Variants in CSMD3 observed in about 807,000 individuals in gnomAD.
CSMD3 encodes CUB and sushi domain-containing protein 3.
In CSMD3, 177 loss-of-function variants were observed where a neutral mutation model predicts 435.2. The ratio of observed to expected loss-of-function variants is 0.41; its 90% CI spans 0.36 to 0.46. The LOEUF (loss-of-function observed/expected upper bound fraction) is 0.46. CSMD3 is among the 20% of genes least tolerant of loss of function. The pLI is 0.34. For synonymous variants in CSMD3, 1,656 were observed against 1,520.5 expected (o/e 1.09, Z -2.07); for missense variants, 4,265 against 4,504.6 (o/e 0.95, Z 1.52).
chr8:113,295,978 T>A (rs2093718056), intron 2 of CSMD3, among the ~76,000 whole-genome samples: 2 of 152,024 alleles, frequency 1.3e-5, no homozygotes, highest in Admixed American at 6.6e-5. Context: ...TAAAAAAGGA[T>A]AAGTTCACGT....
chr8:113,359,204 A>G (rs945543089), intron 1 of CSMD3, among the ~76,000 whole-genome samples: 1 of 152,204 alleles, frequency 6.6e-6, no homozygotes, highest in Non-Finnish European at 1.5e-5. Context: ...CAAATGTTCC[A>G]TGACGTATTT....
chr8:113,332,458 C>CA (rs796349469), intron 1 of CSMD3, among the ~76,000 whole-genome samples: 32 of 151,176 alleles, frequency 2.1e-4, no homozygotes, highest in African/African-American at 6.5e-4. Context: ...TATCAGTGAA[C>CA]AAAAAATCAC....
intron 13 of CSMD3, among the ~76,000 whole-genome samples, chr8:112,722,422 G>A (rs2076878429): frequency 6.6e-6 from 1 of 152,154 alleles, no homozygotes. Flanking sequence ...GGCTACTTAG[G>A]GGAAGGTTGT....
At chr8:112,503,164 C>T (rs1477025697) in intron 30 of CSMD3, among the ~76,000 whole-genome samples, 1 of 152,184 alleles carries the variant, frequency 6.6e-6, no homozygotes, top group Non-Finnish European at 1.5e-5. Context: ...TCACTGCAGC[C>T]TTCATCTCCT....
chr8:112,670,358 C>T (rs2075627855), intron 16 of CSMD3, among the ~76,000 whole-genome samples: 1 of 152,086 alleles, frequency 6.6e-6, no homozygotes, highest in South Asian at 2.1e-4. Context: ...GGAAAGTGAA[C>T]CACGGCAATT....
intron 6 of CSMD3, among the ~76,000 whole-genome samples, chr8:112,995,755 GA>G (rs2085627742): frequency 6.6e-6 from 1 of 151,370 alleles, no homozygotes; most frequent in Admixed American, 6.6e-5. Context: ...ATTCTATTAA[GA>G]TGATTTAACC....
intron 13 of CSMD3, among the ~76,000 whole-genome samples, chr8:112,711,477 G>A (rs1041232250): frequency 1.3e-5 from 2 of 151,984 alleles, no homozygotes; most frequent in Non-Finnish European, 2.9e-5. Flanking sequence ...ACTTATTTTC[G>A]TGTGCCTAGC....
At chr8:112,476,524 A>G (rs1180328984) in intron 31 of CSMD3, among the ~76,000 whole-genome samples, 13 of 152,164 alleles carry the variant, frequency 8.5e-5, no homozygotes, top group Admixed American at 6.5e-4. Context: ...TACATGTAAT[A>G]TCTCACAGGA....
intron 45 of CSMD3, among the ~76,000 whole-genome samples, chr8:112,332,112 C>T (rs1824122828): frequency 6.6e-6 from 1 of 152,020 alleles, no homozygotes; most frequent in Non-Finnish European, 1.5e-5. Flanking sequence ...CACTAAAATA[C>T]AATCAGTCAA....
chr8:112,734,479 T>C (rs2132027488), intron 13 of CSMD3, among the ~76,000 whole-genome samples: 1 of 152,072 alleles, frequency 6.6e-6, no homozygotes, highest in East Asian at 1.9e-4. Context: ...AAGAAAAATT[T>C]CTGCTGCAGA....
intron 15 of CSMD3, among the ~76,000 whole-genome samples, chr8:112,684,108 T>C (rs971681101): frequency 1.3e-5 from 2 of 151,840 alleles, no homozygotes; most frequent in African/African-American, 2.4e-5. Flanking sequence ...ATTTCCATAA[T>C]ACCCTGAAAA....
At position 112,340,757 on chromosome 8, in the gene CSMD3, T is replaced by C. The variant is rs534964798; in HGVS notation, c.6652+720A>G. On this transcript the variant is annotated intron_variant, in intron 42 of 70. Coordinates refer to ENST00000297405, the MANE Select transcript of CSMD3 (RefSeq NM_198123.2). ...AAGGACTGAGTAATTACTAAAAATA[T>C]ACATCATGGAATACACCTTACATAC... 1.6e-4 allele frequency among the ~76,000 whole-genome samples: 24 copies of C among 152,256 alleles called. No homozygotes were observed. The South Asian group carries it at 4.8e-3, about 30-fold the overall frequency.
chr8:113,197,687 G>GA (rs1203663050), intron 3 of CSMD3, among the ~76,000 whole-genome samples: 1 of 151,066 alleles, frequency 6.6e-6, no homozygotes, highest in Non-Finnish European at 1.5e-5. Context: ...CTTTTCTATA[G>GA]AAAATACACA....
intron 2 of CSMD3, chr8:113,313,800 C>T (rs1239173915): frequency 2.0e-5 from 3 of 152,102 alleles, no homozygotes; most frequent in African/African-American, 7.2e-5. Context: ...AGTATACAAA[C>T]ACTGGCATAA....
intron 3 of CSMD3, among the ~76,000 whole-genome samples, chr8:113,185,372 T>C (rs2092483797): frequency 6.6e-6 from 1 of 152,074 alleles, no homozygotes; most frequent in Non-Finnish European, 1.5e-5. Context: ...ATAATCATTA[T>C]ACTGGCTTAC....
intron 16 of CSMD3, among the ~76,000 whole-genome samples, chr8:112,675,428 T>C (rs1304855099): frequency 6.6e-6 from 1 of 152,096 alleles, no homozygotes; most frequent in African/African-American, 2.4e-5. Context: ...AACATGATCA[T>C]GTAATCCAGA....
At chr8:113,230,146 A>G (rs1485280315) in intron 3 of CSMD3, among the ~76,000 whole-genome samples, 3 of 151,714 alleles carry the variant, frequency 2.0e-5, no homozygotes, top group Admixed American at 6.6e-5. Flanking sequence ...ATAGAAATTA[A>G]GGACTAGCAA....
chr8:112,253,829 T>G (rs1586548868), intron 63 of CSMD3, among the ~76,000 whole-genome samples: 1 of 152,162 alleles, frequency 6.6e-6, no homozygotes, highest in Non-Finnish European at 1.5e-5. Context: ...CAATTAGTGC[T>G]TTATTGAATA....
At chr8:112,954,109 C>T (rs1036068176) in intron 8 of CSMD3, among the ~76,000 whole-genome samples, 8 of 151,310 alleles carry the variant, frequency 5.3e-5, no homozygotes, top group African/African-American at 1.7e-4. Context: ...AACTTCAGAG[C>T]CCTGATTTTG....
Sources: gnomAD v4.1 joint callset for allele counts (sites outside exome capture counted in the v4.1 genomes callset) on GRCh38, gnomAD v4.1.1 for gene constraint, MANE v1.5 for transcripts, NCBI Gene and HGNC (gene_info 2026-07-23, HGNC 2026-07-21) for gene names.